Variants in SPATA17 observed in about 807,000 individuals in gnomAD.
The protein encoded by SPATA17 is spermatogenesis-associated protein 17.
In SPATA17, 53 loss-of-function variants were observed where a neutral mutation model predicts 62.2. The observed-to-expected ratio is 0.85, with a 90% confidence interval of 0.68 to 1.07. The LOEUF is 1.07. Ranked by LOEUF, SPATA17 falls within the 50% of genes least tolerant of loss-of-function variation. The probability of loss-of-function intolerance (pLI) is 0.00; values close to 1 mark genes in which losing one functional copy is unlikely to be tolerated. For synonymous variants in SPATA17, 146 were observed against 146.8 expected (o/e 0.99, Z 0.04); for missense variants, 466 against 425.5 (o/e 1.10, Z -0.84).
At chr1:217,772,685 T>C (rs1407755313) in intron 6 of SPATA17, among the ~76,000 whole-genome samples, 1 of 152,206 alleles carries the variant, frequency 6.6e-6, no homozygotes, top group Non-Finnish European at 1.5e-5. Flanking sequence ...AACTGTGCGT[T>C]GTTATTCTAG....
At chr1:217,740,325 G>A (rs1229574708) in intron 5 of SPATA17, among the ~76,000 whole-genome samples, 1 of 151,638 alleles carries the variant, frequency 6.6e-6, no homozygotes, top group Non-Finnish European at 1.5e-5. Context: ...TCTTTATAGT[G>A]GTAGTTCTCT....
At chr1:217,772,160 A>C (rs1324695321) in intron 6 of SPATA17, among the ~76,000 whole-genome samples, 3 of 152,126 alleles carry the variant, frequency 2.0e-5, no homozygotes, top group Non-Finnish European at 4.4e-5. Flanking sequence ...ATCTTAGAAA[A>C]TCACCCTAGA....
At chr1:217,750,998 T>C (rs4255436) in intron 6 of SPATA17, among the ~76,000 whole-genome samples, 116,472 of 152,128 alleles carry the variant, frequency 0.77, 44,996 homozygotes, top group Non-Finnish European at 0.81. Context: ...TAAATAAACC[T>C]TACATGGAAG....
intron 9 of SPATA17, among the ~76,000 whole-genome samples, chr1:217,806,748 A>G (rs1674444665): frequency 6.6e-6 from 1 of 151,952 alleles, no homozygotes; most frequent in Non-Finnish European, 1.5e-5. Flanking sequence ...ATATGTTCCT[A>G]CTCTAGCTCA....
intron 9 of SPATA17, among the ~76,000 whole-genome samples, chr1:217,808,165 T>C (rs1293500552): frequency 6.6e-6 from 1 of 152,094 alleles, no homozygotes; most frequent in Non-Finnish European, 1.5e-5. Context: ...GAACAAAGTC[T>C]CCTCCAGGAT....
chr1:217,865,602 G>A (rs1478679862), intron 10 of SPATA17, among the ~76,000 whole-genome samples: 1 of 152,200 alleles, frequency 6.6e-6, no homozygotes, highest in Admixed American at 6.5e-5. Context: ...GTCTAAATCA[G>A]TGTGTTGTGT....
At chr1:217,794,601 A>G (rs1311778121) in intron 8 of SPATA17, among the ~76,000 whole-genome samples, 1 of 152,218 alleles carries the variant, frequency 6.6e-6, no homozygotes, top group Non-Finnish European at 1.5e-5. Flanking sequence ...CAATTAAATT[A>G]TTTAAAACTC....
intron 8 of SPATA17, among the ~76,000 whole-genome samples, chr1:217,786,885 A>G (rs1673886099): frequency 6.6e-6 from 1 of 151,050 alleles, no homozygotes; most frequent in African/African-American, 2.4e-5. Flanking sequence ...AATGATTTCC[A>G]TTTTAAATCT....
intron 8 of SPATA17, among the ~76,000 whole-genome samples, chr1:217,791,682 G>A (rs997966896): frequency 2.0e-5 from 3 of 152,172 alleles, no homozygotes; most frequent in African/African-American, 4.8e-5. Context: ...TATATCATCA[G>A]ACAAGTCATA....
chr1:217,652,815 G>A (rs997215776), intron 3 of SPATA17, among the ~76,000 whole-genome samples: 3 of 152,094 alleles, frequency 2.0e-5, no homozygotes, highest in East Asian at 1.9e-4. Context: ...ACCTGATGAC[G>A]GAAGTTTGAT....
intron 5 of SPATA17, chr1:217,738,101 T>G (rs1277877356): frequency 3.3e-5 from 5 of 152,488 alleles, no homozygotes; most frequent in African/African-American, 1.2e-4. Flanking sequence ...GCTGGGATTA[T>G]AGGCGTGAGC....
At chr1:217,687,755 T>G (rs1179739012) in intron 5 of SPATA17, among the ~76,000 whole-genome samples, 1 of 152,200 alleles carries the variant, frequency 6.6e-6, no homozygotes, top group African/African-American at 2.4e-5. Flanking sequence ...ATCTCTGTCA[T>G]TAGTTAAGCA....
At chr1:217,834,473 G>A (rs1477352607) in intron 9 of SPATA17, among the ~76,000 whole-genome samples, 1 of 152,094 alleles carries the variant, frequency 6.6e-6, no homozygotes, top group East Asian at 1.9e-4. Context: ...GTGGAAGATG[G>A]TGACGTAGAT....
intron 9 of SPATA17, among the ~76,000 whole-genome samples, chr1:217,824,176 T>C (rs1390291790): frequency 1.3e-5 from 2 of 152,004 alleles, no homozygotes; most frequent in African/African-American, 2.4e-5. Context: ...TACTAAGTTT[T>C]CTTGATATCA....
rs139344724 is a variant in SPATA17 at position 217,831,918 on chromosome 1, T to C, written c.1005+30068T>C. 9.9e-3 allele frequency among the ~76,000 whole-genome samples: 1,506 copies of C among 152,310 alleles called. 29 individuals carry two copies. The highest frequency in any genetic ancestry group is 0.034 in the African/African-American group (1,424 of 41,576). On this transcript the variant is annotated intron_variant, in intron 9 of 10. Coordinates refer to ENST00000366933, the MANE Select transcript of SPATA17 (RefSeq NM_138796.4). The stretch of plus-strand genomic sequence containing the variant: ...TCAACATATTCAGTAGAAATTCATA[T>C]GACTGAATCCTATAAACCATTTTAA...
At chr1:217,726,573 G>A (rs1672261773) in intron 5 of SPATA17, among the ~76,000 whole-genome samples, 2 of 152,162 alleles carry the variant, frequency 1.3e-5, no homozygotes, top group Admixed American at 1.3e-4. Flanking sequence ...GGAAGATACA[G>A]TGTACTTGGG....
chr1:217,640,442 A>G (rs1006812358), intron 1 of SPATA17, among the ~76,000 whole-genome samples: 5 of 152,162 alleles, frequency 3.3e-5, no homozygotes, highest in Admixed American at 6.5e-5. Context: ...AGCAATGGAC[A>G]ATTATAATTT....
rs531540545 is a variant in SPATA17, at chr1:217,704,671, G to T, written c.395+21310G>T. Among the ~76,000 whole-genome samples the T allele has an allele frequency of 1.4e-3, 216 of 152,060 alleles. 1 individual carries two copies. Among genetic ancestry groups the T allele is most frequent in the Middle Eastern group, 3.4e-3 (1 of 292 alleles). ...GTGGTATTTGATTTTCTGTTCCTGCGTTAGTTCTCTTAGGATAATGGCCTC... is the reference window on the plus strand; with the variant it reads ...GTGGTATTTGATTTTCTGTTCCTGCTTTAGTTCTCTTAGGATAATGGCCTC... On this transcript the variant is annotated intron_variant, in intron 5 of 10. Transcript: ENST00000366933.
chr1:217,772,941 C>T (rs532017840), intron 6 of SPATA17, among the ~76,000 whole-genome samples: 6 of 151,944 alleles, frequency 3.9e-5, no homozygotes, highest in African/African-American at 1.4e-4. Context: ...TGGGATAGGA[C>T]GTTGCATTTG....
Sources: gnomAD v4.1 joint callset for allele counts (sites outside exome capture counted in the v4.1 genomes callset) on GRCh38, gnomAD v4.1.1 for gene constraint, MANE v1.5 for transcripts, NCBI Gene and HGNC (gene_info 2026-07-23, HGNC 2026-07-21) for gene names.